Variants in SLC2A7 observed in about 807,000 individuals in gnomAD.
The protein encoded by SLC2A7 is solute carrier family 2 member 7, also known as solute carrier family 2, facilitated glucose transporter member 7.
In SLC2A7, 50 loss-of-function variants were observed where a neutral mutation model predicts 50.5. The observed-to-expected ratio is 0.99, with a 90% CI of 0.79 to 1.25. SLC2A7 has a LOEUF of 1.25. Ranked by LOEUF, SLC2A7 falls within the 50% of genes most tolerant of loss-of-function variation. The pLI, the probability that SLC2A7 is intolerant of heterozygous loss-of-function variation, is 0.00. For synonymous variants in SLC2A7, 308 were observed against 300.4 expected (o/e 1.03, Z -0.26); for missense variants, 683 against 679.1 (o/e 1.01, Z -0.06).
At chr1:9,015,029 C>G in intron 6 of SLC2A7, 88 bp downstream of exon 6, 1 of 1,570,080 alleles carries the variant, frequency 6.4e-7, no homozygotes, top group East Asian at 2.3e-5. Context: ...ACCCCTGACC[C>G]ATGGCGACCC....
At chr1:9,004,617 T>C in intron 11 of SLC2A7, 135 bp downstream of exon 11, 1 of 1,086,180 alleles carries the variant, frequency 9.2e-7, no homozygotes, top group East Asian at 2.5e-5. Flanking sequence ...GGGCCACGTG[T>C]GTCTGTGGAC....
downstream of SLC2A7, among the ~76,000 whole-genome samples, chr1:9,000,082 C>T (rs764883928): frequency 6.6e-6 from 1 of 152,196 alleles, no homozygotes; most frequent in African/African-American, 2.4e-5. Context: ...ACTTAAGGAC[C>T]GAATTGGTGA....
At chr1:9,007,851 C>T (rs1309662967) in intron 9 of SLC2A7, among the ~76,000 whole-genome samples, 1 of 152,014 alleles carries the variant, frequency 6.6e-6, no homozygotes, top group African/African-American at 2.4e-5. Context: ...ATTCCCCTGC[C>T]TCCGCCTCCT....
downstream of SLC2A7, among the ~76,000 whole-genome samples, chr1:9,001,238 G>T (rs111900964): frequency 1.3e-5 from 2 of 152,138 alleles, no homozygotes; most frequent in African/African-American, 2.4e-5. Context: ...GGCTGTGATC[G>T]TTTGGAGGGA....
intron 7 of SLC2A7, among the ~76,000 whole-genome samples, 180 bp from the exon 8 acceptor site, chr1:9,013,815 C>T (rs1031448506): frequency 3.9e-5 from 6 of 152,194 alleles, no homozygotes; most frequent in Non-Finnish European, 7.3e-5. Flanking sequence ...GGGTGGAGCC[C>T]GGCGCTGCCC....
intron 10 of SLC2A7, among the ~76,000 whole-genome samples, chr1:9,006,392 C>T (rs949259591): frequency 7.9e-5 from 12 of 152,152 alleles, no homozygotes; most frequent in Admixed American, 2.6e-4. Context: ...GGACTACAGG[C>T]GCCCGCCAAC....
Position 9,018,314 on chromosome 1 carries a change from G to A in SLC2A7, c.498C>T (p.Gly166=), listed in dbSNP as rs760012670. 6.2e-7 allele frequency: 1 copy of A among 1,614,092 alleles called. No homozygotes were observed. The highest frequency in any genetic ancestry group is 8.5e-7 in the Non-Finnish European group (1 of 1,180,050). Residue 166 remains glycine (G), a synonymous_variant, in exon 5 of 12, where the codon GGC becomes GGT. Coordinates refer to ENST00000400906, the MANE Select transcript of SLC2A7 (RefSeq NM_207420.3). ...LGELAPKNLR[G]MVGTMTEVFV... is the part of the protein sequence containing the mutation. ...AAACCTCGGTCATTGTTCCCACCAT[G>A]CCTCTCAGGTTCTTGGGGGCCAGTT...
the SLC2A7 span, among the ~76,000 whole-genome samples, chr1:8,996,059 T>C: frequency 6.6e-6 from 1 of 152,148 alleles, no homozygotes; most frequent in Non-Finnish European, 1.5e-5. Context: ...TGAGCCACCA[T>C]GCCCAGCCTA....
intron 3 of SLC2A7, among the ~76,000 whole-genome samples, chr1:9,021,256 C>T (rs553013518): frequency 7.2e-5 from 11 of 152,282 alleles, no homozygotes; most frequent in Admixed American, 5.9e-4. Context: ...GTGATTGGCT[C>T]ACCTCAGCCT....
At position 9,015,241 on chromosome 1, in the gene SLC2A7, G is replaced by A; in HGVS notation, c.591C>T (p.Gly197=). Residue 197 remains glycine (G), a splice_region_variant and synonymous_variant, in exon 6 of 12, where the codon GGC becomes GGT. Transcript: ENST00000400906. ...CTGTGAGCGCCAGAAGCACCGGCCA[G>A]CCTGCAAGGAGCCAAGGACTCAGGA... ...SLQAILGNPA[G]WPVLLALTGV... is the part of the protein sequence containing the mutation. 1 of 1,591,340 alleles carries A rather than the reference G, an allele frequency of 6.3e-7. No homozygotes were observed. Among genetic ancestry groups the A allele is most frequent in the Non-Finnish European group, 8.5e-7 (1 of 1,171,658 alleles).
chr1:9,020,738 C>A (rs1361211804), intron 3 of SLC2A7, among the ~76,000 whole-genome samples: 1 of 146,002 alleles, frequency 6.8e-6, no homozygotes. Flanking sequence ...ATGGTGGGAT[C>A]TTGGCTCACT....
chr1:9,024,783 A>G (rs890536685), intron 2 of SLC2A7, among the ~76,000 whole-genome samples, 193 bp downstream of exon 2: 2 of 152,114 alleles, frequency 1.3e-5, no homozygotes, highest in Non-Finnish European at 2.9e-5. Context: ...TCCAGGGGGA[A>G]ACACCTCCTG....
intron 2 of SLC2A7, among the ~76,000 whole-genome samples, chr1:9,024,603 C>T (rs1303466616): frequency 6.6e-6 from 1 of 152,100 alleles, no homozygotes; most frequent in African/African-American, 2.4e-5. Flanking sequence ...CTTTTTTCCC[C>T]TTTGCCCCAA....
intron 5 of SLC2A7, among the ~76,000 whole-genome samples, chr1:9,015,868 C>T (rs980472865): frequency 2.0e-5 from 3 of 150,976 alleles, no homozygotes; most frequent in African/African-American, 2.4e-5. Context: ...GAACTACACG[C>T]GTGCATTACC....
chr1:9,020,460 T>C lies in SLC2A7; in HGVS notation c.312-1127A>G, dbSNP rs191814719. ...AGGGAGTGCCTGAAAAACAGCGCTATGCCAGGTGCGTCCTGCTGCCTTCAT... is the reference window on the plus strand; with the variant it reads ...AGGGAGTGCCTGAAAAACAGCGCTACGCCAGGTGCGTCCTGCTGCCTTCAT... On this transcript the variant is annotated intron_variant, in intron 3 of 11. Coordinates refer to ENST00000400906, the MANE Select transcript of SLC2A7 (RefSeq NM_207420.3). Among the ~76,000 whole-genome samples the C allele has an allele frequency of 2.6e-5, 4 of 152,144 alleles. No individual in the cohort carries two copies. The East Asian group carries it at 7.8e-4, about 29-fold the overall frequency.
rs766955744 is a variant in SLC2A7 at position 9,013,546 on chromosome 1, G to C, written c.993C>G (p.Asn331Lys). ...QYVTVGSGVV[N>K]IVMTITSAVL... ...TCACCGAGGTGATGGTCATCACTAT[G>C]TTGACGACGCCAGAGCCCACCGTTA... The change falls in exon 8 of 12, where the codon AAC becomes AAG. Residue 331 changes from asparagine to lysine, a missense_variant. Asn to Lys is a moderately conservative substitution (Grantham distance 94). Coordinates refer to ENST00000400906, the MANE Select transcript of SLC2A7 (RefSeq NM_207420.3). 1.9e-5 allele frequency: 30 copies of C among 1,613,702 alleles called. No homozygotes were observed. Among genetic ancestry groups the C allele is most frequent in the Non-Finnish European group, 2.3e-5 (27 of 1,179,962 alleles).
At chr1:9,019,140 C>T in intron 4 of SLC2A7, 69 bp downstream of exon 4, 1 of 1,561,508 alleles carries the variant, frequency 6.4e-7, no homozygotes. Flanking sequence ...ACCTCATCTG[C>T]TCCTGCTTCC....
chr1:9,011,232 A>G (rs1640744592), intron 8 of SLC2A7, among the ~76,000 whole-genome samples: 2 of 152,244 alleles, frequency 1.3e-5, no homozygotes, highest in African/African-American at 4.8e-5. Context: ...GCTTCCCCGC[A>G]GGCCCGGAAT....
chr1:9,001,574 G>T (rs998104754), downstream of SLC2A7, among the ~76,000 whole-genome samples: 3 of 151,810 alleles, frequency 2.0e-5, no homozygotes, highest in South Asian at 6.2e-4. Context: ...GCACATGACC[G>T]CACTGGCCAA....
Sources: gnomAD v4.1 joint callset for allele counts (sites outside exome capture counted in the v4.1 genomes callset) on GRCh38, gnomAD v4.1.1 for gene constraint, MANE v1.5 for transcripts, NCBI Gene and HGNC (gene_info 2026-07-23, HGNC 2026-07-21) for gene names.